RSPO4: variants seen among roughly 807,000 people sequenced by gnomAD.
RSPO4 encodes R-spondin 4, also known as R-spondin-4.
A neutral mutation model predicts 24.8 loss-of-function variants in RSPO4; 23 were observed. The observed-to-expected ratio is 0.93, with a 90% CI of 0.67 to 1.31. RSPO4 has a LOEUF of 1.31. RSPO4 is among the 40% of genes most tolerant of loss of function. RSPO4 has a pLI of 0.00. For missense variants in RSPO4, 333 were observed against 316.5 expected (o/e 1.05, Z -0.39); for synonymous variants, 141 against 127.4 (o/e 1.11, Z -0.72).
At chr20:962,876 C>A (rs956359653) in intron 4 of RSPO4, among the ~76,000 whole-genome samples, 1 of 152,212 alleles carries the variant, frequency 6.6e-6, no homozygotes, top group African/African-American at 2.4e-5. Flanking sequence ...AGTGACTCAA[C>A]CTTTCTGGGC....
intron 1 of RSPO4, among the ~76,000 whole-genome samples, chr20:982,084 G>T (rs536987580): frequency 1.3e-5 from 2 of 152,150 alleles, no homozygotes. Context: ...AAGAAAAAAG[G>T]GTTGTTTTTG....
intron 1 of RSPO4, among the ~76,000 whole-genome samples, chr20:974,795 C>A (rs913733841): frequency 6.6e-6 from 1 of 152,184 alleles, no homozygotes; most frequent in African/African-American, 2.4e-5. Context: ...CCAAGAGACA[C>A]AGACAAAGAC....
At chr20:975,051 T>C (rs2122229496) in intron 1 of RSPO4, among the ~76,000 whole-genome samples, 1 of 152,340 alleles carries the variant, frequency 6.6e-6, no homozygotes, top group African/African-American at 2.4e-5. Context: ...GCTTGTCCCA[T>C]AGCTCCAAAT....
At chr20:984,837 G>C (rs181841067) in intron 1 of RSPO4, among the ~76,000 whole-genome samples, 1 of 152,124 alleles carries the variant, frequency 6.6e-6, no homozygotes, top group African/African-American at 2.4e-5. Flanking sequence ...AAGGCCCACT[G>C]TTCACCCATC....
At position 969,480 on chromosome 20, in the gene RSPO4, T is replaced by G. The variant is rs561188044; in HGVS notation, c.80-1342A>C. On this transcript the variant is annotated intron_variant, in intron 1 of 4. Transcript: ENST00000217260. ...CAGCATCTCATGCCCTGCTTGGACA[T>G]AAACTCATGTCCATAGCCCTGCGAA... 2.6e-5 allele frequency among the ~76,000 whole-genome samples: 4 copies of G among 152,280 alleles called. No homozygotes were observed. In the East Asian group the frequency reaches 7.7e-4, roughly 29 times the overall value.
chr20:999,297 G>A (rs1432282115), intron 1 of RSPO4, among the ~76,000 whole-genome samples: 1 of 152,258 alleles, frequency 6.6e-6, no homozygotes, highest in African/African-American at 2.4e-5. Context: ...TTATAGGCTT[G>A]AGCCATCGCA....
At position 967,215 on chromosome 20, in the gene RSPO4, G is replaced by A. The variant is rs370909673; in HGVS notation, c.368C>T (p.Pro123Leu). Residue 123 changes from proline to leucine, a missense_variant, in exon 3 of 5, where the codon CCG becomes CTG. Physicochemically the swap from Pro to Leu is moderately conservative, Grantham distance 98. Transcript: ENST00000217260. ...LYKGKCLPTC[P>L]PGTLAHQNTR... Reference sequence around the variant, plus strand: ...GTTCTGGTGGGCCAAAGTGCCCGGCGGGCAGGTGGGCAGACACTTCCCCTT... The same window carrying A: ...GTTCTGGTGGGCCAAAGTGCCCGGCAGGCAGGTGGGCAGACACTTCCCCTT... The A allele has an allele frequency of 3.3e-5, 53 of 1,614,136 alleles. 1 individual carries two copies. The highest frequency in any genetic ancestry group is 2.3e-4 in the South Asian group (21 of 91,086).
chr20:992,191 G>T (rs138849696), intron 1 of RSPO4, among the ~76,000 whole-genome samples: 1 of 151,518 alleles, frequency 6.6e-6, no homozygotes, highest in Non-Finnish European at 1.5e-5. Flanking sequence ...ATACGCACAC[G>T]CACACGGATG....
In RSPO4 at chr20:964,104, A is replaced by T. The variant is rs1984103992; in HGVS notation, c.426T>A (p.Gly142=). Residue 142 remains glycine, a synonymous_variant, in exon 4 of 5, where the codon GGT becomes GGA. Coordinates refer to ENST00000217260, the MANE Select transcript of RSPO4 (RefSeq NM_001029871.4). ...TGCAGGGGCTCCAGCCGCCCCAGGG[A>T]CCCAGTTCACACTCCCCTGTGGGGT... is the stretch of plus-strand genomic sequence containing the variant. ...TRECQGECEL[G]PWGGWSPCTH... 7 of 1,612,726 alleles carry T rather than the reference A, an allele frequency of 4.3e-6. No individual in the cohort carries two copies. The highest frequency in any genetic ancestry group is 5.9e-6 in the Non-Finnish European group (7 of 1,179,454).
chr20:1,000,467 AG>A (rs1255205722), intron 1 of RSPO4, among the ~76,000 whole-genome samples: 2 of 152,198 alleles, frequency 1.3e-5, no homozygotes, highest in Non-Finnish European at 2.9e-5. Flanking sequence ...CTGTGTCCTT[AG>A]CTACTCATCT....
chr20:992,797 T>C (rs113005891), intron 1 of RSPO4, among the ~76,000 whole-genome samples: 3,072 of 152,314 alleles, frequency 0.02, 54 homozygotes, highest in Middle Eastern at 0.12. Context: ...CCGTCATTGA[T>C]GAGCACTCCC....
In RSPO4 at chr20:968,098, G is replaced by A. The variant is rs1246828255; in HGVS notation, c.120C>T (p.Ile40=). ...TGGAACAGCCGTTCTCCTCTGAGCA[G>A]ATGATACAGCCTGTGCAGTTGCCCC... is the stretch of plus-strand genomic sequence containing the variant. ...GLGGNCTGCI[I]CSEENGCSTC... The change falls in exon 2 of 5, where the codon ATC becomes ATT. Residue 40 remains isoleucine (I), a synonymous_variant. Coordinates refer to ENST00000217260, the MANE Select transcript of RSPO4 (RefSeq NM_001029871.4). The A allele has an allele frequency of 3.7e-6, 6 of 1,614,196 alleles. No individual in the cohort carries two copies. Among genetic ancestry groups the A allele is most frequent in the Admixed American group, 1.7e-5 (1 of 60,034 alleles).
chr20:983,401 T>C (rs1369219070), intron 1 of RSPO4, among the ~76,000 whole-genome samples: 7 of 152,222 alleles, frequency 4.6e-5, no homozygotes, highest in Non-Finnish European at 1.0e-4. Context: ...GAGAGATCGA[T>C]TCCTAAAATG....
chr20:994,326 G>T (rs1457728342), intron 1 of RSPO4, among the ~76,000 whole-genome samples: 1 of 152,176 alleles, frequency 6.6e-6, no homozygotes, highest in African/African-American at 2.4e-5. Flanking sequence ...TGTCCTGATG[G>T]TGCCTATAGC....
chr20:1,001,628 G>C (rs188423061), intron 1 of RSPO4, among the ~76,000 whole-genome samples: 1 of 152,290 alleles, frequency 6.6e-6, no homozygotes, highest in Non-Finnish European at 1.5e-5. Context: ...GTGACACCAG[G>C]AGTCAGGGTG....
chr20:990,310 G>C (rs995197800), intron 1 of RSPO4, among the ~76,000 whole-genome samples: 1 of 152,168 alleles, frequency 6.6e-6, no homozygotes, highest in Non-Finnish European at 1.5e-5. Context: ...AGGCAGGAGG[G>C]GAAGGCTACT....
intron 1 of RSPO4, among the ~76,000 whole-genome samples, chr20:999,620 T>C (rs1024491422): frequency 6.6e-6 from 1 of 152,090 alleles, no homozygotes; most frequent in African/African-American, 2.4e-5. Context: ...CTAAGCCTCT[T>C]CTGAAGATGC....
chr20:988,601 A>G (rs1046197626), intron 1 of RSPO4, among the ~76,000 whole-genome samples: 1 of 152,164 alleles, frequency 6.6e-6, no homozygotes, highest in South Asian at 2.1e-4. Flanking sequence ...CTCAGGCTGG[A>G]GTGCAGTGGT....
intron 2 of RSPO4, among the ~76,000 whole-genome samples, chr20:967,701 T>C (rs1376880319): frequency 6.6e-6 from 1 of 152,246 alleles, no homozygotes; most frequent in Non-Finnish European, 1.5e-5. Context: ...GTGAGTTACA[T>C]GCCTAAGGCC....
Sources: allele counts gnomAD v4.1 joint callset (sites outside exome capture counted in the v4.1 genomes callset), GRCh38; gene constraint gnomAD v4.1.1; transcripts MANE v1.5; gene names NCBI Gene and HGNC (gene_info 2026-07-23, HGNC 2026-07-21).